Variants in HGD observed in about 807,000 individuals in gnomAD.
HGD encodes homogentisate oxidase.
Under a neutral mutation model 60.8 loss-of-function variants are expected in HGD, and 61 were observed. The observed-to-expected ratio is 1.00, with a 90% CI of 0.82 to 1.24. The LOEUF (loss-of-function observed/expected upper bound fraction) is 1.24, where lower values mean the gene tolerates loss of function less well. HGD is among the 50% of genes most tolerant of loss of function. The pLI, the probability that HGD is intolerant of heterozygous loss-of-function variation, is 0.00. For missense variants in HGD, 542 were observed against 547.1 expected, an observed-to-expected ratio of 0.99 and a Z score of 0.09; for synonymous variants, 212 against 187.7, an observed-to-expected ratio of 1.13 and a Z score of -1.06.
intron 6 of HGD, among the ~76,000 whole-genome samples, chr3:120,649,236 G>A (rs1182718361): frequency 2.7e-5 from 4 of 148,544 alleles, no homozygotes; most frequent in Admixed American, 6.8e-5. Flanking sequence ...TCCGCCTCCC[G>A]GGTTCAAGCA....
intron 4 of HGD, among the ~76,000 whole-genome samples, chr3:120,670,010 T>G (rs1298772447): frequency 1.3e-5 from 2 of 152,172 alleles, no homozygotes; most frequent in Non-Finnish European, 2.9e-5. Context: ...AATTGAATCA[T>G]GGGGATGGTT....
chr3:120,661,494 T>C (rs1426400579), intron 4 of HGD, among the ~76,000 whole-genome samples: 2 of 152,222 alleles, frequency 1.3e-5, no homozygotes, highest in African/African-American at 4.8e-5. Context: ...CAGAAGATCC[T>C]GGAAATGTGA....
At chr3:120,648,538 T>TA (rs1222181777) in intron 6 of HGD, among the ~76,000 whole-genome samples, 1 of 152,244 alleles carries the variant, frequency 6.6e-6, no homozygotes, top group African/African-American at 2.4e-5. Context: ...AGAGGTAGTG[T>TA]ATAATAAGGC....
chr3:120,633,362 C>T, intron 12 of HGD, 34 bp from the exon 13 acceptor site: 1 of 1,613,986 alleles, frequency 6.2e-7, no homozygotes, highest in Non-Finnish European at 8.5e-7. Context: ...TTTTTATTAT[C>T]CAAGGCAAGA....
intron 3 of HGD, among the ~76,000 whole-genome samples, chr3:120,673,514 AG>A (rs1708065762): frequency 2.0e-5 from 3 of 152,138 alleles, no homozygotes; most frequent in Non-Finnish European, 4.4e-5. Context: ...TTACAGAGAG[AG>A]AGAGAGAGAT....
chr3:120,663,672 C>G (rs948256150), intron 4 of HGD, among the ~76,000 whole-genome samples: 9 of 152,114 alleles, frequency 5.9e-5, no homozygotes, highest in Non-Finnish European at 1.0e-4. Context: ...AGAAGGAGGT[C>G]TGTTGTTCCA....
At chr3:120,644,201 G>T in intron 10 of HGD, 118 bp downstream of exon 10, 1 of 1,185,852 alleles carries the variant, frequency 8.4e-7, no homozygotes, top group Non-Finnish European at 1.2e-6. Context: ...TTGTAGTGCC[G>T]TAGTGGTATG....
chr3:120,647,391 T>C lies in HGD; in HGVS notation c.470-339A>G, dbSNP rs143128705. ...AAGGCTGACATTTGCTTGTGTGACA[T>C]ATACACGAAAATGTTGATTCCAAAA... On this transcript the variant is annotated intron_variant, in intron 7 of 13. Coordinates refer to ENST00000283871, the MANE Select transcript of HGD (RefSeq NM_000187.4). Among the ~76,000 whole-genome samples, 33 of 152,318 alleles carry C rather than the reference T, an allele frequency of 2.2e-4. No individual in the cohort carries two copies. In the East Asian group the frequency reaches 6.4e-3, roughly 29 times the overall value.
intron 12 of HGD, among the ~76,000 whole-genome samples, chr3:120,634,503 A>C (rs568615283): frequency 2.6e-5 from 4 of 152,256 alleles, no homozygotes; most frequent in African/African-American, 9.6e-5. Context: ...GTTAGCCAGC[A>C]CATATAATTA....
chr3:120,647,198 G>A, intron 7 of HGD, 146 bp from the exon 8 acceptor site: 2 of 713,094 alleles, frequency 2.8e-6, no homozygotes, highest in South Asian at 1.5e-5. Flanking sequence ...GATAAATTCT[G>A]ACAACTTAGA....
intron 4 of HGD, among the ~76,000 whole-genome samples, chr3:120,658,914 A>G (rs1941578577): frequency 6.6e-6 from 1 of 152,218 alleles, no homozygotes; most frequent in Non-Finnish European, 1.5e-5. Flanking sequence ...GAGGAGCTGG[A>G]GCAGCTGGGA....
At position 120,638,478 on chromosome 3, in the gene HGD, G is replaced by T. The variant is rs1940854620; in HGVS notation, c.983C>A (p.Thr328Asn). The T allele has an allele frequency of 1.9e-6, 3 of 1,613,926 alleles. No individual in the cohort carries two copies. The highest frequency in any genetic ancestry group is 1.3e-5 in the African/African-American group (1 of 74,988). ...ACTATGGTAATAAGGAGGCCTGAAG[G>T]TCTTATCAGCAACCCCCCATCGAGG... is the stretch of plus-strand genomic sequence containing the variant. ...FPPRWGVADKTFRPPYYHRNC... is the reference protein window; with the variant it reads ...FPPRWGVADKNFRPPYYHRNC... Residue 328 changes from threonine to asparagine, a missense_variant, in exon 12 of 14, where the codon ACC (threonine) becomes AAC (asparagine). Around this residue, in one of 2 missense-constraint regions of HGD, gnomAD observed 537 missense variants for 529.1 expected, o/e 1.01. Transcript: ENST00000283871.
intron 3 of HGD, among the ~76,000 whole-genome samples, chr3:120,672,863 T>G (rs1026937525): frequency 6.6e-6 from 1 of 152,202 alleles, no homozygotes; most frequent in South Asian, 2.1e-4. Flanking sequence ...TTTATCACAG[T>G]CCACATTTTC....
chr3:120,633,194 C>A lies in HGD; in HGVS notation c.1141G>T (p.Ala381Ser), dbSNP rs1270932950. The A allele has an allele frequency of 2.5e-6, 4 of 1,614,064 alleles. No individual in the cohort carries two copies. Among genetic ancestry groups the A allele is most frequent in the Non-Finnish European group, 3.4e-6 (4 of 1,180,006 alleles). ...HGPDADCFEK[A>S]SKVKLAPERI... ...TCAGGTGCCAGCTTGACCTTGCTGG[C>A]CTTCTCAAAGCAGTCAGCATCAGGT... is the stretch of plus-strand genomic sequence containing the variant. Residue 381 changes from alanine to serine, a missense_variant, in exon 13 of 14, where the codon GCC becomes TCC. Physicochemically the swap from Ala to Ser is moderately conservative, Grantham distance 99. Transcript: ENST00000283871.
At chr3:120,632,977 T>TATATAC (rs1276782973) in intron 13 of HGD, among the ~76,000 whole-genome samples, 170 bp downstream of exon 13, 8 of 152,216 alleles carry the variant, frequency 5.3e-5, no homozygotes, top group Non-Finnish European at 1.2e-4. Flanking sequence ...AGAAGTCTAG[T>TATATAC]ATATACACAA....
chr3:120,659,974 C>G lies in HGD; in HGVS notation c.283-7323G>C, dbSNP rs1421734050. 3.9e-5 allele frequency among the ~76,000 whole-genome samples: 6 copies of G among 151,980 alleles called. No homozygotes were observed. In the South Asian group the frequency reaches 6.2e-4, roughly 16 times the overall value. ...GTGGTTGCATAATGGGGGTGGATTT[C>G]TCACGAATGGCTTAGCACTACCCTC... On this transcript the variant is annotated intron_variant, in intron 4 of 13. Transcript: ENST00000283871.
intron 11 of HGD, among the ~76,000 whole-genome samples, chr3:120,639,773 G>C (rs1182489798): frequency 1.3e-5 from 2 of 152,148 alleles, no homozygotes; most frequent in Admixed American, 1.3e-4. Flanking sequence ...TCCTACCTTT[G>C]TTTGACTTTC....
At chr3:120,673,924 C>T (rs1223573705) in intron 3 of HGD, among the ~76,000 whole-genome samples, 1 of 152,172 alleles carries the variant, frequency 6.6e-6, no homozygotes, top group Non-Finnish European at 1.5e-5. Context: ...TCCAAGAGGG[C>T]AGATGATTTA....
chr3:120,656,355 A>G (rs1237118343), intron 4 of HGD, among the ~76,000 whole-genome samples: 2 of 152,192 alleles, frequency 1.3e-5, no homozygotes, highest in African/African-American at 4.8e-5. Flanking sequence ...TTTTATTTAT[A>G]CTATATGCTA....
Sources: gnomAD v4.1 joint callset for allele counts (sites outside exome capture counted in the v4.1 genomes callset) on GRCh38, gnomAD v4.1.1 for gene constraint, gnomAD v4.1.1 regional missense constraint, MANE v1.5 for transcripts, NCBI Gene and HGNC (gene_info 2026-07-23, HGNC 2026-07-21) for gene names.